VIT: variants seen among roughly 807,000 people sequenced by gnomAD.
The protein encoded by VIT is vitrin.
In VIT, 99 loss-of-function variants were observed where a neutral mutation model predicts 78.0. That is an observed-to-expected ratio of 1.27 (90% CI 1.08 to 1.50). VIT has a LOEUF of 1.50. Among genes scored for constraint, VIT ranks in the 40% most tolerant of loss-of-function variants. The probability of loss-of-function intolerance (pLI) is 0.00; values close to 1 mark genes in which losing one functional copy is unlikely to be tolerated. For missense variants in VIT, 1,126 were observed against 875.3 expected (o/e 1.29, Z -3.61); for synonymous variants, 374 against 334.3 (o/e 1.12, Z -1.29).
intron 1 of VIT, among the ~76,000 whole-genome samples, chr2:36,713,778 G>C (rs528364769): frequency 1.3e-5 from 2 of 152,328 alleles, no homozygotes; most frequent in African/African-American, 4.8e-5. Flanking sequence ...AGGATAACTC[G>C]GATGAAATCT....
intron 3 of VIT, among the ~76,000 whole-genome samples, chr2:36,731,926 T>C (rs747386916): frequency 6.6e-6 from 1 of 152,250 alleles, no homozygotes; most frequent in Non-Finnish European, 1.5e-5. Context: ...CCTCCTTTTT[T>C]CTTCTGCTCT....
At chr2:36,778,855 G>T (rs1342261545) in intron 9 of VIT, among the ~76,000 whole-genome samples, 1 of 152,178 alleles carries the variant, frequency 6.6e-6, no homozygotes, top group Non-Finnish European at 1.5e-5. Context: ...GATGCCTGCT[G>T]CCTTTCAGAG....
At position 36,802,468 on chromosome 2, in the gene VIT, T is replaced by G. The variant is rs537303976; in HGVS notation, c.1162+1064T>G. 5.9e-5 allele frequency among the ~76,000 whole-genome samples: 9 copies of G among 152,310 alleles called. No homozygotes were observed. The South Asian group carries it at 1.9e-3, about 32-fold the overall frequency. On this transcript the variant is annotated intron_variant, in intron 13 of 15. Transcript: ENST00000379242. The stretch of plus-strand genomic sequence containing the variant: ...AGTTACAGTAAATCCGATTAAAGAT[T>G]TCCCTTCCCACTTCAGTGTATGTCT...
At chr2:36,741,006 A>C (rs1667802572) in intron 3 of VIT, among the ~76,000 whole-genome samples, 1 of 152,208 alleles carries the variant, frequency 6.6e-6, no homozygotes, top group Non-Finnish European at 1.5e-5. Flanking sequence ...GTCACATCAA[A>C]ATTTAATCTT....
chr2:36,801,644 C>T (rs1162026150), intron 13 of VIT, among the ~76,000 whole-genome samples: 1 of 151,974 alleles, frequency 6.6e-6, no homozygotes, highest in Non-Finnish European at 1.5e-5. Flanking sequence ...CCTCTTTCTA[C>T]TAAAAATACA....
At chr2:36,766,472 A>G (rs1669437094) in intron 6 of VIT, among the ~76,000 whole-genome samples, 1 of 152,172 alleles carries the variant, frequency 6.6e-6, no homozygotes, top group Admixed American at 6.5e-5. Flanking sequence ...TCGAGGCTGC[A>G]GTGAGCTATA....
chr2:36,809,990 C>CAAA (rs36123287), intron 15 of VIT, among the ~76,000 whole-genome samples: 5 of 100,720 alleles, frequency 5.0e-5, no homozygotes, highest in East Asian at 3.0e-4. Flanking sequence ...GATCCTGTCT[C>CAAA]AAAAAAAAAA....
chr2:36,781,615 A>G, intron 9 of VIT, 112 bp from the exon 10 acceptor site: 1 of 1,226,182 alleles, frequency 8.2e-7, no homozygotes, highest in Non-Finnish European at 1.2e-6. Context: ...CTGTTCCTTT[A>G]TTGAACTTTC....
chr2:36,803,600 A>G (rs1666486740), intron 13 of VIT, among the ~76,000 whole-genome samples: 1 of 152,206 alleles, frequency 6.6e-6, no homozygotes, highest in African/African-American at 2.4e-5. Context: ...TTAGCAGCCA[A>G]GGTTTTTCCT....
chr2:36,806,435 T>C (rs1666731810), intron 14 of VIT, among the ~76,000 whole-genome samples: 1 of 152,188 alleles, frequency 6.6e-6, no homozygotes, highest in Non-Finnish European at 1.5e-5. Context: ...TCTTATTTCA[T>C]TGCCTCTTGC....
At position 36,809,080 on chromosome 2, in the gene VIT, G is replaced by C. The variant is rs1666964003; in HGVS notation, c.1903+95G>C. 3.4e-6 allele frequency: 5 copies of C among 1,460,856 alleles called. No homozygotes were observed. In the South Asian group the frequency reaches 7.1e-5, roughly 21 times the overall value. 90.5% of individuals were successfully genotyped at this position (1,460,856 alleles called of 1,614,324 possible). On this transcript the variant is annotated intron_variant, in intron 15 of 15. Transcript: ENST00000379242. ...GGAAGGTATTGTCTTTTTATGCATT[G>C]GTTTTTTCTGCGACTTAATAAAAAT...
At chr2:36,809,103 A>C (rs1007755941) in intron 15 of VIT, 118 bp downstream of exon 15, 2 of 1,380,092 alleles carry the variant, frequency 1.4e-6, no homozygotes, top group African/African-American at 2.9e-5. Flanking sequence ...ACTTAATAAA[A>C]ATGTTCAAAG....
chr2:36,774,631 T>A, intron 8 of VIT: 4 of 985,428 alleles, frequency 4.1e-6, no homozygotes, highest in African/African-American at 1.7e-5. Context: ...CCCAATGGGC[T>A]CCTCTGGTCA....
rs577931139 is a variant in VIT at position 36,767,729 on chromosome 2, T to C, written c.679+444T>C. Among the ~76,000 whole-genome samples, 7 of 152,340 alleles carry C rather than the reference T, an allele frequency of 4.6e-5. No individual in the cohort carries two copies. The South Asian group carries it at 1.2e-3, about 27-fold the overall frequency. ...CTGATGGTTTTTTGTCTTACTACTT[T>C]TACCCATTGCTCAAATCATGTTGAA... On this transcript the variant is annotated intron_variant, in intron 7 of 15. Transcript: ENST00000379242.
intron 1 of VIT, among the ~76,000 whole-genome samples, chr2:36,715,014 C>G (rs1666036022): frequency 6.6e-6 from 1 of 152,146 alleles, no homozygotes; most frequent in African/African-American, 2.4e-5. Context: ...GGCACTGTTC[C>G]CCCACTTGGA....
chr2:36,747,957 G>A (rs1032495718), intron 4 of VIT, among the ~76,000 whole-genome samples: 11 of 152,114 alleles, frequency 7.2e-5, no homozygotes, highest in Non-Finnish European at 1.5e-4. Context: ...TATCTGAAAA[G>A]TGTTTTATTT....
chr2:36,788,545 C>T (rs1379631635), intron 12 of VIT, among the ~76,000 whole-genome samples: 1 of 152,172 alleles, frequency 6.6e-6, no homozygotes. Context: ...GCAAATGTCA[C>T]CTCTCAAGCT....
chr2:36,713,489 G>A (rs1665934133), intron 1 of VIT, among the ~76,000 whole-genome samples: 1 of 152,244 alleles, frequency 6.6e-6, no homozygotes, highest in South Asian at 2.1e-4. Flanking sequence ...GGGAGCCACT[G>A]TGGAGTGTCA....
intron 6 of VIT, chr2:36,759,347 T>A (rs933203072): frequency 7.0e-5 from 99 of 1,420,238 alleles, no homozygotes; most frequent in Admixed American, 2.9e-4. Context: ...GAAAATGACA[T>A]GACATTCTGT....
Sources: gnomAD v4.1 joint callset for allele counts (sites outside exome capture counted in the v4.1 genomes callset) on GRCh38, gnomAD v4.1.1 for gene constraint, MANE v1.5 for transcripts, NCBI Gene and HGNC (gene_info 2026-07-23, HGNC 2026-07-21) for gene names.